SMARCA2: variants seen among roughly 807,000 people sequenced by gnomAD.
The protein encoded by SMARCA2 is SWI/SNF-related matrix-associated actin-dependent regulator of chromatin subfamily A member 2.
In SMARCA2, 61 loss-of-function variants were observed where a neutral mutation model predicts 199.8. The observed-to-expected ratio is 0.31, with a 90% confidence interval of 0.25 to 0.38. The LOEUF (loss-of-function observed/expected upper bound fraction) is 0.38, where lower values mean the gene tolerates loss of function less well. Among genes scored for constraint, SMARCA2 ranks in the 10% least tolerant of loss-of-function variants. SMARCA2 has a pLI of 1.00. For synonymous variants in SMARCA2, 935 were observed against 732.0 expected, an observed-to-expected ratio of 1.28 and a Z score of -4.48; for missense variants, 1,344 against 2,012.2, an observed-to-expected ratio of 0.67 and a Z score of 6.35.
chr9:2,027,720 C>T (rs1818894829), intron 1 of SMARCA2: 1 of 152,156 alleles, frequency 6.6e-6, no homozygotes, highest in South Asian at 2.1e-4. Context: ...GTAAAGAGCC[C>T]TGCTATGGTG....
At chr9:2,033,199 G>C in intron 3 of SMARCA2, 118 bp downstream of exon 3, 3 of 1,150,678 alleles carry the variant, frequency 2.6e-6, no homozygotes, top group Non-Finnish European at 3.7e-6. Context: ...AACCTAGTAG[G>C]TTTCTTTTCC....
At chr9:2,018,219 T>C (rs1486592288) in intron 1 of SMARCA2, among the ~76,000 whole-genome samples, 1 of 152,232 alleles carries the variant, frequency 6.6e-6, no homozygotes, top group Non-Finnish European at 1.5e-5. Context: ...AGTGGGGGTG[T>C]TGTGCAGAAT....
Position 2,123,649 on chromosome 9 carries a change from G to T in SMARCA2, c.3763-70G>T. ...CCATAGGAAGTGACTTGGGGAAGTTGTGTAGTGCTGGGAAGTCTGCACCAT... is the reference window on the plus strand; with the variant it reads ...CCATAGGAAGTGACTTGGGGAAGTTTTGTAGTGCTGGGAAGTCTGCACCAT... On this transcript the variant is annotated intron_variant, in intron 26 of 33. Coordinates refer to ENST00000349721, the MANE Select transcript of SMARCA2 (RefSeq NM_003070.5). The surrounding 1 kb of genome is among the most constrained non-coding windows in gnomAD (Gnocchi z 4.1). The T allele has an allele frequency of 7.4e-7, 1 of 1,345,332 alleles. No homozygotes were observed. The highest frequency in any genetic ancestry group is 1.8e-4 in the Middle Eastern group (1 of 5,562). 83.3% of individuals were successfully genotyped at this position (1,345,332 alleles called of 1,614,324 possible).
intron 15 of SMARCA2, among the ~76,000 whole-genome samples, 183 bp from the exon 16 acceptor site, chr9:2,083,164 T>C (rs1821642498): frequency 6.6e-6 from 1 of 152,204 alleles, no homozygotes; most frequent in African/African-American, 2.4e-5. Context: ...TGTCATGTTT[T>C]GTGACAGTTT....
At chr9:2,192,579 A>G (rs1488642326) in intron 33 of SMARCA2, 125 bp from the exon 34 acceptor site, 2 of 758,036 alleles carry the variant, frequency 2.6e-6, no homozygotes, top group African/African-American at 3.5e-5. Flanking sequence ...TCCCACGGAA[A>G]GAGATTTGGC....
At chr9:2,021,658 C>G (rs1351213014) in intron 1 of SMARCA2, among the ~76,000 whole-genome samples, 1 of 152,084 alleles carries the variant, frequency 6.6e-6, no homozygotes, top group Non-Finnish European at 1.5e-5. Flanking sequence ...TGCTGTTGTG[C>G]TATACTAAAA....
At position 2,137,514 on chromosome 9, in the gene SMARCA2, T is replaced by C. The variant is rs1434101203; in HGVS notation, c.3981+13577T>C. On this transcript the variant is annotated intron_variant, in intron 27 of 33. Coordinates refer to ENST00000349721, the MANE Select transcript of SMARCA2 (RefSeq NM_003070.5). ...GAAGTCTTTCTCCCAGATCTTCATG[T>C]GGCTGTCTCCTCCTTGTCCCAATGA... is the stretch of plus-strand genomic sequence containing the variant. 3.9e-5 allele frequency among the ~76,000 whole-genome samples: 6 copies of C among 152,198 alleles called. No individual in the cohort carries two copies. In the South Asian group the frequency reaches 1.0e-3, roughly 26 times the overall value.
intron 5 of SMARCA2, among the ~76,000 whole-genome samples, chr9:2,053,394 G>A (rs962744213): frequency 3.4e-4 from 52 of 152,136 alleles, no homozygotes; most frequent in Admixed American, 3.4e-3. Context: ...CTCGGAAAGT[G>A]TATCTTAATT....
chr9:2,167,687 G>A (rs1174012471), intron 28 of SMARCA2, among the ~76,000 whole-genome samples: 1 of 152,178 alleles, frequency 6.6e-6, no homozygotes, highest in Non-Finnish European at 1.5e-5. Flanking sequence ...TGGGAATTGT[G>A]GTAAGACTCA....
intron 1 of SMARCA2, among the ~76,000 whole-genome samples, chr9:2,015,748 C>A (rs1229105782): frequency 2.0e-5 from 3 of 152,214 alleles, no homozygotes; most frequent in Admixed American, 2.0e-4. Context: ...AAAAAAATCC[C>A]AACAAGCCAC....
At chr9:2,176,861 G>A (rs1260106911) in intron 29 of SMARCA2, among the ~76,000 whole-genome samples, 4 of 151,986 alleles carry the variant, frequency 2.6e-5, no homozygotes, top group Non-Finnish European at 5.9e-5. Context: ...CCCCAACATT[G>A]GGGTGATTTT....
chr9:2,061,545 C>T (rs898236290), intron 9 of SMARCA2, among the ~76,000 whole-genome samples: 2 of 152,156 alleles, frequency 1.3e-5, no homozygotes, highest in African/African-American at 4.8e-5. Flanking sequence ...TCCTAATTAT[C>T]ATGAGAAATG....
chr9:2,168,280 G>A (rs527406584), intron 28 of SMARCA2, among the ~76,000 whole-genome samples: 6 of 152,132 alleles, frequency 3.9e-5, no homozygotes, highest in Non-Finnish European at 7.4e-5. Flanking sequence ...CAAAGTGCTG[G>A]GATTACAGGC....
At chr9:2,191,129 G>A in intron 32 of SMARCA2, 137 bp from the exon 33 acceptor site, 1 of 819,028 alleles carries the variant, frequency 1.2e-6, no homozygotes, top group Middle Eastern at 3.5e-4. Context: ...GAACCACACA[G>A]AACAGGCATA....
At position 2,119,722 on chromosome 9, in the gene SMARCA2, G is replaced by A. The variant is rs909578938; in HGVS notation, c.3762+187G>A. ...ACATATTTTGTTTGGCCCACGCAGC[G>A]TTTTTTAAAATTTCCCATTCATTGC... On this transcript the variant is annotated intron_variant, in intron 26 of 33. Transcript: ENST00000349721. The surrounding 1 kb of genome is among the most constrained non-coding windows in gnomAD (Gnocchi z 4.6). 4.6e-5 allele frequency among the ~76,000 whole-genome samples: 7 copies of A among 152,106 alleles called. No individual in the cohort carries two copies. The East Asian group carries it at 7.7e-4, about 17-fold the overall frequency.
At position 2,187,946 on chromosome 9, in the gene SMARCA2, T is replaced by C. The variant is rs541624534; in HGVS notation, c.4594+1718T>C. On this transcript the variant is annotated intron_variant, in intron 32 of 33. Coordinates refer to ENST00000349721, the MANE Select transcript of SMARCA2 (RefSeq NM_003070.5). ...GCCACAAAACTGTGTGCTATGTTTT[T>C]ATAAACAAATTTATGTGTGGAAAAA... Among the ~76,000 whole-genome samples, 11 of 152,212 alleles carry C rather than the reference T, an allele frequency of 7.2e-5. No individual in the cohort carries two copies. In the South Asian group the frequency reaches 1.9e-3, roughly 26 times the overall value.
intron 14 of SMARCA2, among the ~76,000 whole-genome samples, chr9:2,078,602 C>G (rs1003227107): frequency 1.3e-5 from 2 of 152,114 alleles, no homozygotes; most frequent in African/African-American, 4.8e-5. Context: ...AGTGACGTTT[C>G]CCAAATTGTG....
rs1823576044 is a variant in SMARCA2, at chr9:2,123,944, C to T, written c.3981+7C>T. On this transcript the variant is annotated splice_region_variant and intron_variant, in intron 27 of 33. Coordinates refer to ENST00000349721, the MANE Select transcript of SMARCA2 (RefSeq NM_003070.5). The surrounding 1 kb of genome is among the most constrained non-coding windows in gnomAD (Gnocchi z 4.1). ...GGAGAAGCAGTGGCTAAGGGTAAGC[C>T]TAGCTTTTCTAACCCGCTCTCACTA... is the stretch of plus-strand genomic sequence containing the variant. The T allele has an allele frequency of 1.9e-6, 3 of 1,554,008 alleles. No individual in the cohort carries two copies. Among genetic ancestry groups the T allele is most frequent in the Non-Finnish European group, 2.6e-6 (3 of 1,148,076 alleles).
At chr9:2,163,447 C>T (rs1351323338) in intron 28 of SMARCA2, among the ~76,000 whole-genome samples, 1 of 152,302 alleles carries the variant, frequency 6.6e-6, no homozygotes, top group South Asian at 2.1e-4. Context: ...AACATGAAAA[C>T]TTCCTTGTAA....
Sources: allele counts gnomAD v4.1 joint callset (sites outside exome capture counted in the v4.1 genomes callset), GRCh38; gene constraint gnomAD v4.1.1; non-coding constraint Gnocchi (gnomAD v3.1); transcripts MANE v1.5; gene names NCBI Gene and HGNC (gene_info 2026-07-23, HGNC 2026-07-21).